Variants in AKAP19 observed in about 807,000 individuals in gnomAD.
AKAP19 encodes small A-kinase anchoring protein.
the AKAP19 span, among the ~76,000 whole-genome samples, chr2:189,894,226 A>T: frequency 3.9e-5 from 6 of 152,228 alleles, no homozygotes; most frequent in African/African-American, 1.2e-4. Flanking sequence ...AGATACTTAT[A>T]TACAGAATCT....
the AKAP19 span, among the ~76,000 whole-genome samples, chr2:190,016,223 T>C: frequency 6.6e-6 from 1 of 152,216 alleles, no homozygotes; most frequent in African/African-American, 2.4e-5. Flanking sequence ...AAGAAATACC[T>C]GAGACTGGGT....
chr2:189,984,690 G>A, the AKAP19 span, among the ~76,000 whole-genome samples: 1 of 151,896 alleles, frequency 6.6e-6, no homozygotes, highest in African/African-American at 2.4e-5. Context: ...CACAACTTAT[G>A]TTTAGAGATT....
At chr2:189,926,265 G>A in the AKAP19 span, among the ~76,000 whole-genome samples, 24 of 152,204 alleles carry the variant, frequency 1.6e-4, no homozygotes, top group African/African-American at 1.7e-4. Context: ...AGAAAGATGC[G>A]CAATGATTTT....
At chr2:190,014,434 G>T in the AKAP19 span, among the ~76,000 whole-genome samples, 2 of 152,060 alleles carry the variant, frequency 1.3e-5, no homozygotes, top group African/African-American at 4.8e-5. Context: ...ACTATTACAA[G>T]AATAGCATGG....
At chr2:189,899,744 C>T in the AKAP19 span, among the ~76,000 whole-genome samples, 1 of 151,964 alleles carries the variant, frequency 6.6e-6, no homozygotes, top group Non-Finnish European at 1.5e-5. Flanking sequence ...ACCCCTTTGA[C>T]TATTACCCTC....
chr2:189,990,056 C>G, the AKAP19 span, among the ~76,000 whole-genome samples: 1 of 152,094 alleles, frequency 6.6e-6, no homozygotes, highest in Non-Finnish European at 1.5e-5. Context: ...TTGGAATAGC[C>G]AAAATAATTT....
At chr2:190,115,476 C>T in the AKAP19 span, among the ~76,000 whole-genome samples, 16 of 140,944 alleles carry the variant, frequency 1.1e-4, no homozygotes, top group East Asian at 2.1e-4. Context: ...CCCGCCACTA[C>T]GCCCGGCTAA....
At chr2:190,196,835 A>G in the AKAP19 span, among the ~76,000 whole-genome samples, 1 of 152,196 alleles carries the variant, frequency 6.6e-6, no homozygotes, top group African/African-American at 2.4e-5. Context: ...AGTAGTTGTA[A>G]CATAGACCCT....
the AKAP19 span, among the ~76,000 whole-genome samples, chr2:190,069,879 C>G: frequency 1.8e-4 from 27 of 152,248 alleles, no homozygotes; most frequent in South Asian, 5.6e-3. Context: ...TAAGGTTATT[C>G]TATCCACTCT....
chr2:190,044,987 G>T, the AKAP19 span, among the ~76,000 whole-genome samples: 1 of 152,276 alleles, frequency 6.6e-6, no homozygotes, highest in Non-Finnish European at 1.5e-5. Flanking sequence ...GAGCAGCTGT[G>T]CTGCACTGGG....
At chr2:190,151,109 C>T in the AKAP19 span, among the ~76,000 whole-genome samples, 1 of 152,026 alleles carries the variant, frequency 6.6e-6, no homozygotes, top group African/African-American at 2.4e-5. Context: ...AATGTCTTTC[C>T]TATTTGTCAT....
the AKAP19 span, chr2:189,930,676 CAAAA>C: frequency 4.2e-3 from 1,308 of 311,842 alleles, no homozygotes; most frequent in South Asian, 7.1e-3. Flanking sequence ...AACTCCCTCT[CAAAA>C]AAAAAAAAAA....
the AKAP19 span, among the ~76,000 whole-genome samples, chr2:189,904,841 A>G: frequency 6.6e-6 from 1 of 152,032 alleles, no homozygotes; most frequent in African/African-American, 2.4e-5. Context: ...ATCTCCTTTG[A>G]ACTTTAGTTT....
the AKAP19 span, among the ~76,000 whole-genome samples, chr2:189,925,976 T>C: frequency 1.3e-5 from 2 of 152,254 alleles, no homozygotes; most frequent in African/African-American, 4.8e-5. Context: ...CTGAGGATAG[T>C]CTCATGAAGT....
chr2:190,023,542 A>G, the AKAP19 span, among the ~76,000 whole-genome samples: 1 of 152,086 alleles, frequency 6.6e-6, no homozygotes, highest in Non-Finnish European at 1.5e-5. Context: ...ATTTTGGTGG[A>G]ATATCTTGAG....
At chr2:190,090,193 T>C in the AKAP19 span, among the ~76,000 whole-genome samples, 1 of 152,184 alleles carries the variant, frequency 6.6e-6, no homozygotes, top group Non-Finnish European at 1.5e-5. Context: ...TGTGTTAAAG[T>C]CCTCATCTAG....
At chr2:190,143,734 C>A in the AKAP19 span, among the ~76,000 whole-genome samples, 1 of 151,324 alleles carries the variant, frequency 6.6e-6, no homozygotes, top group Non-Finnish European at 1.5e-5. Flanking sequence ...ATGTTTATTG[C>A]GGCATTATTC....
the AKAP19 span, among the ~76,000 whole-genome samples, chr2:190,112,335 G>C: frequency 6.6e-6 from 1 of 151,966 alleles, no homozygotes; most frequent in Non-Finnish European, 1.5e-5. Context: ...TCAGAAAGAG[G>C]AACACTATAG....
the AKAP19 span, among the ~76,000 whole-genome samples, chr2:190,030,998 G>A: frequency 2.0e-5 from 3 of 152,140 alleles, no homozygotes. Context: ...GATAATTCAC[G>A]GTTTGCTGGC....
Sources: gnomAD v4.1 joint callset for allele counts (sites outside exome capture counted in the v4.1 genomes callset) on GRCh38, gnomAD v4.1.1 for gene constraint, MANE v1.5 for transcripts, NCBI Gene and HGNC (gene_info 2026-07-23, HGNC 2026-07-21) for gene names.